Variants in EPB41L3 observed in about 807,000 individuals in gnomAD.
EPB41L3 encodes the protein band 4.1-like protein 3.
In EPB41L3, 57 loss-of-function variants were observed where a neutral mutation model predicts 127.1. The observed-to-expected ratio is 0.45, with a 90% CI of 0.36 to 0.56. The LOEUF (loss-of-function observed/expected upper bound fraction) is 0.56. Ranked by LOEUF, EPB41L3 falls within the 20% of genes least tolerant of loss-of-function variation. The pLI, the probability that EPB41L3 is intolerant of heterozygous loss-of-function variation, is 0.00. For synonymous variants in EPB41L3, 572 were observed against 549.5 expected (o/e 1.04, Z -0.57); for missense variants, 1,273 against 1,372.2 (o/e 0.93, Z 1.14).
rs746387866 is a variant in EPB41L3, at chr18:5,433,450, G to T, written c.912+19C>A. The T allele has an allele frequency of 1.9e-6, 3 of 1,561,596 alleles. No homozygotes were observed. The highest frequency in any genetic ancestry group is 1.1e-5 in the South Asian group (1 of 88,228). On this transcript the variant is annotated intron_variant, in intron 8 of 22. Coordinates refer to ENST00000341928, the MANE Select transcript of EPB41L3 (RefSeq NM_012307.5). The stretch of plus-strand genomic sequence containing the variant: ...ACATAATATTAAATTGAAAGTTTAG[G>T]GTTTAAAAAGATGCATACCTTAGCA...
In EPB41L3 at chr18:5,533,690, G is replaced by A. The variant is rs180719305; in HGVS notation, c.-12+10223C>T. ...CAAAGCAAGAAAATTAACCCCAACT[G>A]AAGACATATTAAGAGCTACGTACTT... On this transcript the variant is annotated intron_variant, in intron 1 of 22. Transcript: ENST00000341928. Among the ~76,000 whole-genome samples the A allele has an allele frequency of 3.1e-4, 47 of 152,254 alleles. 1 individual carries two copies. The highest frequency in any genetic ancestry group is 2.7e-3 in the Admixed American group (41 of 15,290).
intron 15 of EPB41L3, chr18:5,407,422 T>C (rs1465859729): frequency 1.5e-5 from 8 of 518,204 alleles, no homozygotes; most frequent in Non-Finnish European, 2.4e-5. Flanking sequence ...TGCACTGGTA[T>C]ATACCAATAC....
chr18:5,508,138 G>A (rs1199696047), intron 1 of EPB41L3: 1 of 152,078 alleles, frequency 6.6e-6, no homozygotes, highest in Non-Finnish European at 1.5e-5. Flanking sequence ...GGGCATCAAG[G>A]AACTACAAGT....
intron 15 of EPB41L3, 124 bp downstream of exon 15, chr18:5,407,577 C>G: frequency 1.0e-6 from 1 of 973,168 alleles, no homozygotes; most frequent in African/African-American, 1.6e-5. Context: ...CTACACACTG[C>G]ACCAACAACA....
intron 3 of EPB41L3, among the ~76,000 whole-genome samples, chr18:5,608,956 G>C (rs1422271201): frequency 6.6e-6 from 1 of 152,164 alleles, no homozygotes; most frequent in African/African-American, 2.4e-5. Context: ...AATCATCTAA[G>C]ATAAAGATTC....
intron 1 of EPB41L3, among the ~76,000 whole-genome samples, chr18:5,522,727 G>T (rs2093045500): frequency 6.6e-6 from 1 of 152,100 alleles, no homozygotes; most frequent in Admixed American, 6.6e-5. Context: ...AGTTGCTCTT[G>T]GAAGCCATTC....
At chr18:5,537,495 T>C (rs2149004216) in intron 1 of EPB41L3, among the ~76,000 whole-genome samples, 1 of 152,302 alleles carries the variant, frequency 6.6e-6, no homozygotes, top group Admixed American at 6.5e-5. Flanking sequence ...ACCATCTGTC[T>C]CCAGATTCCT....
intron 3 of EPB41L3, among the ~76,000 whole-genome samples, chr18:5,588,545 A>G (rs1192958444): frequency 6.6e-6 from 1 of 151,934 alleles, no homozygotes; most frequent in Non-Finnish European, 1.5e-5. Flanking sequence ...GTATATATAT[A>G]TATACACATA....
Position 5,551,851 on chromosome 18 carries a change from A to T in EPB41L3, c.-306+60489T>A, listed in dbSNP as rs190803555. ...ATAATTGAAAGTTTATATTTAAAAA[A>T]TTTTAAATATTGATGCTTAAGCTGT... On this transcript the variant is annotated intron_variant, in intron 3 of 21. Coordinates refer to the EPB41L3 transcript ENST00000545076. 1.7e-3 allele frequency among the ~76,000 whole-genome samples: 262 copies of T among 152,318 alleles called. 1 individual carries two copies. Among genetic ancestry groups the T allele is most frequent in the African/African-American group, 6.0e-3 (251 of 41,566 alleles).
intron 3 of EPB41L3, among the ~76,000 whole-genome samples, chr18:5,579,434 A>G (rs900290724): frequency 2.0e-5 from 3 of 152,230 alleles, no homozygotes; most frequent in Non-Finnish European, 2.9e-5. Context: ...ATGAATACAT[A>G]TCATTAACCA....
At chr18:5,401,010 T>A (rs1429755488) in intron 16 of EPB41L3, 1 of 1,534,634 alleles carries the variant, frequency 6.5e-7, no homozygotes, top group African/African-American at 1.4e-5. Context: ...TGCAAAAATA[T>A]AACTTTTTCA....
At chr18:5,574,886 T>C (rs1200319981) in intron 3 of EPB41L3, among the ~76,000 whole-genome samples, 1 of 152,174 alleles carries the variant, frequency 6.6e-6, no homozygotes, top group African/African-American at 2.4e-5. Flanking sequence ...TATGACCATA[T>C]GCTGAGTCCT....
intron 3 of EPB41L3, among the ~76,000 whole-genome samples, chr18:5,551,793 TTC>T (rs2093968943): frequency 6.6e-6 from 1 of 152,206 alleles, no homozygotes; most frequent in Non-Finnish European, 1.5e-5. Flanking sequence ...ACTTATACAA[TTC>T]TCTCTGTTTC....
At chr18:5,452,546 C>A (rs1486811662) in intron 3 of EPB41L3, among the ~76,000 whole-genome samples, 1 of 152,054 alleles carries the variant, frequency 6.6e-6, no homozygotes, top group Non-Finnish European at 1.5e-5. Context: ...TATAAAAATT[C>A]TTCTGTAGAG....
chr18:5,572,047 T>C (rs1599044095), intron 3 of EPB41L3, among the ~76,000 whole-genome samples: 3 of 152,290 alleles, frequency 2.0e-5, no homozygotes, highest in East Asian at 3.9e-4. Flanking sequence ...TAACCATATA[T>C]TGATGAGGTC....
At chr18:5,503,451 A>G (rs1356180991) in intron 1 of EPB41L3, among the ~76,000 whole-genome samples, 1 of 152,324 alleles carries the variant, frequency 6.6e-6, no homozygotes, top group East Asian at 1.9e-4. Flanking sequence ...CACGTCCACC[A>G]ATTCAAACAG....
Position 5,460,371 on chromosome 18 carries a change from C to T in EPB41L3, c.382-15127G>A, listed in dbSNP as rs150536694. On this transcript the variant is annotated intron_variant, in intron 3 of 22. Transcript: ENST00000341928. ...CCATCTAAACTTGTTAGGGAAGGAA[C>T]TAGGAAGTCCATTTTGGCCCCATGT... Among the ~76,000 whole-genome samples the T allele has an allele frequency of 7.4e-4, 112 of 152,244 alleles. 1 individual carries two copies. The Middle Eastern group carries it at 0.017, about 23-fold the overall frequency.
intron 3 of EPB41L3, among the ~76,000 whole-genome samples, chr18:5,459,389 T>C (rs910762448): frequency 1.5e-5 from 2 of 131,410 alleles, no homozygotes; most frequent in Non-Finnish European, 3.2e-5. Flanking sequence ...TAATGTCCAT[T>C]GGTCTCTTTT....
intron 3 of EPB41L3, among the ~76,000 whole-genome samples, chr18:5,452,828 C>T (rs903890241): frequency 3.9e-5 from 6 of 152,058 alleles, no homozygotes; most frequent in African/African-American, 1.4e-4. Context: ...GAGACAGTTT[C>T]CCTTTGTATA....
Sources: gnomAD v4.1 joint callset for allele counts (sites outside exome capture counted in the v4.1 genomes callset) on GRCh38, gnomAD v4.1.1 for gene constraint, MANE v1.5 for transcripts, NCBI Gene and HGNC (gene_info 2026-07-23, HGNC 2026-07-21) for gene names.